The following TSC22D1 variants were observed in gnomAD, a reference collection of about 807,000 sequenced individuals.
TSC22D1 encodes the protein TSC22 domain family member 1.
In TSC22D1, 9 loss-of-function variants were observed where a neutral mutation model predicts 74.2. The ratio of observed to expected loss-of-function variants is 0.12; its 90% confidence interval spans 0.07 to 0.21. The LOEUF (loss-of-function observed/expected upper bound fraction) is 0.21, where lower values mean the gene tolerates loss of function less well. Ranked by LOEUF, TSC22D1 falls within the 10% of genes least tolerant of loss-of-function variation. The probability of loss-of-function intolerance (pLI) is 1.00; values close to 1 mark genes in which losing one functional copy is unlikely to be tolerated. For synonymous variants in TSC22D1, 586 were observed against 492.5 expected (o/e 1.19, Z -2.51); for missense variants, 1,427 against 1,304.7 (o/e 1.09, Z -1.44).
At chr13:44,491,503 G>A (rs1349220822) in intron 1 of TSC22D1, among the ~76,000 whole-genome samples, 1 of 140,068 alleles carries the variant, frequency 7.1e-6, no homozygotes, top group Non-Finnish European at 1.5e-5. Context: ...GCAGTGAGCC[G>A]AGATCGCGCC....
chr13:44,447,013 G>C (rs779336919), intron 1 of TSC22D1, among the ~76,000 whole-genome samples: 2 of 151,982 alleles, frequency 1.3e-5, no homozygotes, highest in Non-Finnish European at 2.9e-5. Context: ...TTGTGAAAAA[G>C]ATCTTCAGAA....
chr13:44,453,352 AC>A (rs1876311133), intron 1 of TSC22D1, among the ~76,000 whole-genome samples: 1 of 152,232 alleles, frequency 6.6e-6, no homozygotes, highest in African/African-American at 2.4e-5. Flanking sequence ...TTTAAAATGC[AC>A]AAGTTATAAA....
intron 1 of TSC22D1, among the ~76,000 whole-genome samples, chr13:44,464,371 G>A (rs1877154559): frequency 6.6e-6 from 1 of 152,120 alleles, no homozygotes; most frequent in South Asian, 2.1e-4. Context: ...TTTTACCGAA[G>A]TCATTCACTC....
chr13:44,452,796 C>T (rs942286835), intron 1 of TSC22D1: 2 of 152,208 alleles, frequency 1.3e-5, no homozygotes, highest in Admixed American at 1.3e-4. Context: ...GAGACTAAAT[C>T]GAGGCATTAT....
At chr13:44,455,660 T>C (rs1186290927) in intron 1 of TSC22D1, among the ~76,000 whole-genome samples, 1 of 152,224 alleles carries the variant, frequency 6.6e-6, no homozygotes, top group Non-Finnish European at 1.5e-5. Context: ...AGATATGCAA[T>C]GATAGCTCTT....
chr13:44,444,681 G>GA (rs113793797), intron 1 of TSC22D1, among the ~76,000 whole-genome samples: 1 of 151,850 alleles, frequency 6.6e-6, no homozygotes, highest in Admixed American at 6.6e-5. Context: ...AATACTTGGG[G>GA]AAAAAATACA....
chr13:44,518,247 G>A (rs1256473544), intron 1 of TSC22D1, among the ~76,000 whole-genome samples: 1 of 152,036 alleles, frequency 6.6e-6, no homozygotes. Context: ...CATCTCAGAA[G>A]TGCTATGCTG....
chr13:44,446,566 GA>G (rs1185266407), intron 1 of TSC22D1, among the ~76,000 whole-genome samples: 2 of 152,128 alleles, frequency 1.3e-5, no homozygotes, highest in Admixed American at 6.6e-5. Context: ...GGGATTATTA[GA>G]ACCCCAAGAC....
chr13:44,534,293 A>G (rs564134969), intron 1 of TSC22D1, among the ~76,000 whole-genome samples: 1 of 148,330 alleles, frequency 6.7e-6, no homozygotes, highest in South Asian at 2.2e-4. Context: ...CTGAGGCGAG[A>G]GGATCACTTG....
intron 1 of TSC22D1, among the ~76,000 whole-genome samples, chr13:44,457,156 GTGAACGCAGGAAACTGCACCCAGC>G (rs1876704744): frequency 2.0e-5 from 3 of 152,338 alleles, no homozygotes; most frequent in Admixed American, 2.0e-4. Flanking sequence ...GAAACATCAG[GTGAACGCAGGAAACTGCACCCAGC>G]TGAACCAAAA....
intron 1 of TSC22D1, among the ~76,000 whole-genome samples, chr13:44,509,165 C>T (rs1879569865): frequency 1.3e-5 from 2 of 152,066 alleles, no homozygotes; most frequent in African/African-American, 4.8e-5. Flanking sequence ...TTATTAGAAA[C>T]AAAACAGTAC....
chr13:44,573,881 T>G lies in TSC22D1; in HGVS notation c.2194A>C (p.Ile732Leu). ...AVPTGSQIAN[I>L]GQQANIPTAV... is the part of the protein sequence containing the mutation. ...GTAGGTATGTTTGCTTGCTGACCAA[T>G]ATTTGCAATCTGACTGCCAGTAGGT... Residue 732 changes from isoleucine to leucine, a missense_variant, in exon 1 of 3, where the codon ATT becomes CTT. Physicochemically the swap from Ile to Leu is conservative, Grantham distance 5 (BLOSUM62 2). Around this residue, in one of 3 missense-constraint regions of TSC22D1, gnomAD observed 1,343 missense variants for 1,191.5 expected, o/e 1.13. Coordinates refer to ENST00000458659, the MANE Select transcript of TSC22D1 (RefSeq NM_183422.4). The G allele has an allele frequency of 6.2e-7, 1 of 1,614,188 alleles. No homozygotes were observed. Among genetic ancestry groups the G allele is most frequent in the African/African-American group, 1.3e-5 (1 of 75,046 alleles).
At chr13:44,536,740 G>A (rs1454714506) in intron 1 of TSC22D1, 3 of 984,478 alleles carry the variant, frequency 3.0e-6, no homozygotes, top group Non-Finnish European at 3.6e-6. Context: ...ACTCAAGAGA[G>A]TTTTAATGGT....
At chr13:44,493,635 G>C (rs1012690509) in intron 1 of TSC22D1, among the ~76,000 whole-genome samples, 2 of 152,166 alleles carry the variant, frequency 1.3e-5, no homozygotes, top group Non-Finnish European at 2.9e-5. Context: ...ATTCAGAAAA[G>C]ACCTGAGAAG....
At chr13:44,436,798 ATCCCAGTGCCGTGAAGAGGCGCT>A in intron 1 of TSC22D1, 10 of 1,414,450 alleles carry the variant, frequency 7.1e-6, no homozygotes, top group Non-Finnish European at 9.2e-6. Flanking sequence ...GCAGATGCGG[ATCCCAGTGCCGTGAAGAGGCGCT>A]TCCCAGATCC....
chr13:44,450,352 C>T (rs985931046), intron 1 of TSC22D1, among the ~76,000 whole-genome samples: 1 of 152,162 alleles, frequency 6.6e-6, no homozygotes, highest in Admixed American at 6.5e-5. Flanking sequence ...CCTCACAGGC[C>T]ATGTGATGGG....
At chr13:44,458,955 G>C (rs1462160816) in intron 1 of TSC22D1, among the ~76,000 whole-genome samples, 1 of 152,300 alleles carries the variant, frequency 6.6e-6, no homozygotes, top group African/African-American at 2.4e-5. Flanking sequence ...CATGTTGATG[G>C]CGGGAGGCAG....
Position 44,562,190 on chromosome 13 carries a change from C to T in TSC22D1, c.2912+10973G>A, listed in dbSNP as rs957882613. On this transcript the variant is annotated intron_variant, in intron 1 of 2. Transcript: ENST00000458659. ...AGGGAGCTGGGACAACAGGCGTGCA[C>T]GCCACCATGCCCAGCTAATTTCTGT... Among the ~76,000 whole-genome samples the T allele has an allele frequency of 3.9e-5, 6 of 152,130 alleles. No individual in the cohort carries two copies. In the East Asian group the frequency reaches 5.8e-4, roughly 15 times the overall value.
chr13:44,567,854 G>C (rs1883486210), intron 1 of TSC22D1, among the ~76,000 whole-genome samples: 1 of 152,036 alleles, frequency 6.6e-6, no homozygotes, highest in Non-Finnish European at 1.5e-5. Flanking sequence ...CAAGTACTCA[G>C]CACAGTGAAT....
Sources: allele counts gnomAD v4.1 joint callset (sites outside exome capture counted in the v4.1 genomes callset), GRCh38; gene constraint gnomAD v4.1.1; regional missense constraint gnomAD v4.1.1; transcripts MANE v1.5; gene names NCBI Gene and HGNC (gene_info 2026-07-23, HGNC 2026-07-21).